Variants in FRMD5 observed in about 807,000 individuals in gnomAD.
The protein encoded by FRMD5 is FERM domain-containing protein 5.
In FRMD5, 20 loss-of-function variants were observed where a neutral mutation model predicts 69.0. The ratio of observed to expected loss-of-function variants is 0.29; its 90% CI spans 0.20 to 0.42. FRMD5 has a LOEUF of 0.42. Among genes scored for constraint, FRMD5 ranks in the 10% least tolerant of loss-of-function variants. The pLI, the probability that FRMD5 is intolerant of heterozygous loss-of-function variation, is 1.00. For missense variants in FRMD5, 595 were observed against 708.6 expected (o/e 0.84, Z 1.82); for synonymous variants, 271 against 260.1 (o/e 1.04, Z -0.40).
intron 13 of FRMD5, among the ~76,000 whole-genome samples, chr15:43,875,347 T>C (rs1234023047): frequency 1.3e-4 from 3 of 22,266 alleles, no homozygotes; most frequent in African/African-American, 2.4e-4. Context: ...AAAGACTGTC[T>C]CAAAAAAAAA....
At position 43,873,539 on chromosome 15, in the gene FRMD5, AAAAT is replaced by A. The variant is rs1567199683; in HGVS notation, c.*342_*345del. On this transcript the variant is annotated 3_prime_UTR_variant, in exon 14 of 14. Coordinates refer to ENST00000417257, the MANE Select transcript of FRMD5 (RefSeq NM_032892.5). ...TACTACTGCAATAATCAGTAATAGT[AAAAT>A]AAATTATTTTTATTTGATACTTCAA... The A allele has an allele frequency of 1.4e-6, 2 of 1,390,446 alleles. No individual in the cohort carries two copies. Among genetic ancestry groups the A allele is most frequent in the South Asian group, 1.4e-5 (1 of 71,046 alleles). The allele number at this position is 1,390,446 out of a possible 1,614,324, so 86.1% of individuals were successfully genotyped here. A position where few individuals can be genotyped will look rare whatever the true frequency, so the allele number is the denominator to read the frequency against.
At chr15:44,023,764 A>G (rs1324440818) in intron 1 of FRMD5, among the ~76,000 whole-genome samples, 1 of 152,214 alleles carries the variant, frequency 6.6e-6, no homozygotes, top group Non-Finnish European at 1.5e-5. Flanking sequence ...TTTTTACTAT[A>G]TTAAAATGGA....
chr15:44,023,452 G>A (rs993874245), intron 1 of FRMD5, among the ~76,000 whole-genome samples: 2 of 152,206 alleles, frequency 1.3e-5, no homozygotes, highest in Non-Finnish European at 2.9e-5. Context: ...GTGGCAATAG[G>A]CAGAACATTA....
At chr15:43,987,949 T>C (rs143183242) in intron 1 of FRMD5, among the ~76,000 whole-genome samples, 9 of 152,266 alleles carry the variant, frequency 5.9e-5, no homozygotes, top group African/African-American at 2.2e-4. Context: ...AATTATATAG[T>C]CCCATCTGGG....
In FRMD5 at chr15:43,919,374, A is replaced by T. The variant is rs2089452437; in HGVS notation, c.329+85T>A. 4 of 1,164,818 alleles carry T rather than the reference A, an allele frequency of 3.4e-6. No homozygotes were observed. The African/African-American group carries it at 6.1e-5, about 18-fold the overall frequency. The allele number at this position is 1,164,818 out of a possible 1,614,324, so 72.2% of individuals were successfully genotyped here. A position where few individuals can be genotyped will look rare whatever the true frequency, so the allele number is the denominator to read the frequency against. On this transcript the variant is annotated intron_variant, in intron 4 of 13. Coordinates refer to ENST00000417257, the MANE Select transcript of FRMD5 (RefSeq NM_032892.5). ...TGCCTCTAAGAGTTAGGCGCTTCCA[A>T]ATGAGAGGCTCTAAGAGGTCACCAT...
chr15:44,134,839 T>C (rs1006075683), intron 1 of FRMD5, among the ~76,000 whole-genome samples: 1 of 152,096 alleles, frequency 6.6e-6, no homozygotes, highest in Non-Finnish European at 1.5e-5. Flanking sequence ...GTGCAACCCA[T>C]GGGAGAAAGA....
chr15:44,125,547 GGAATTGAGGCTAAAGCCTCAGCTACAA>G (rs895736030), intron 1 of FRMD5, among the ~76,000 whole-genome samples: 1 of 152,120 alleles, frequency 6.6e-6, no homozygotes, highest in African/African-American at 2.4e-5. Flanking sequence ...CAGGGCCTAT[GGAATTGAGGCTAAAGCCTCAGCTACAA>G]TTTCTGAGAT....
intron 1 of FRMD5, among the ~76,000 whole-genome samples, chr15:44,100,213 C>A (rs1396877740): frequency 6.6e-6 from 1 of 150,918 alleles, no homozygotes; most frequent in African/African-American, 2.4e-5. Flanking sequence ...GCCACCACAC[C>A]CGGCTAAATT....
intron 1 of FRMD5, chr15:43,990,168 G>A: frequency 1.8e-6 from 1 of 557,354 alleles, no homozygotes; most frequent in Non-Finnish European, 3.4e-6. Flanking sequence ...GACAAGCATG[G>A]TGATATCATC....
chr15:44,045,910 G>T (rs1430573872), intron 1 of FRMD5, among the ~76,000 whole-genome samples: 1 of 152,152 alleles, frequency 6.6e-6, no homozygotes, highest in African/African-American at 2.4e-5. Context: ...AAGATCTGTT[G>T]TCATTTGTCA....
intron 1 of FRMD5, among the ~76,000 whole-genome samples, chr15:43,960,911 T>C (rs1010694715): frequency 2.6e-5 from 4 of 151,922 alleles, no homozygotes; most frequent in Admixed American, 6.6e-5. Context: ...CTAAACTACA[T>C]AGAACTGTGG....
chr15:44,067,680 C>G (rs562276038), intron 1 of FRMD5, among the ~76,000 whole-genome samples: 1 of 152,108 alleles, frequency 6.6e-6, no homozygotes, highest in Admixed American at 6.5e-5. Context: ...GACCTAATCA[C>G]GCCTAAAGGC....
intron 1 of FRMD5, among the ~76,000 whole-genome samples, chr15:43,932,889 C>T (rs2089699464): frequency 6.6e-6 from 1 of 152,202 alleles, no homozygotes; most frequent in Non-Finnish European, 1.5e-5. Flanking sequence ...GCATCCTATC[C>T]CAGGACCAGA....
At chr15:44,166,029 G>A (rs929247370) in intron 1 of FRMD5, among the ~76,000 whole-genome samples, 2 of 151,946 alleles carry the variant, frequency 1.3e-5, no homozygotes, top group Non-Finnish European at 2.9e-5. Flanking sequence ...GAGATTCCTA[G>A]GAGTTAACTT....
chr15:44,161,176 T>C (rs1263828771), intron 1 of FRMD5, among the ~76,000 whole-genome samples: 4 of 152,172 alleles, frequency 2.6e-5, no homozygotes, highest in African/African-American at 9.7e-5. Flanking sequence ...TGTGCTCATG[T>C]TGTTCCTTCC....
chr15:43,885,331 C>CCCAGCACA (rs1402123241), intron 11 of FRMD5, among the ~76,000 whole-genome samples: 1 of 152,102 alleles, frequency 6.6e-6, no homozygotes, highest in Non-Finnish European at 1.5e-5. Flanking sequence ...TGCCACCACA[C>CCCAGCACA]CCAGATAATT....
intron 1 of FRMD5, among the ~76,000 whole-genome samples, chr15:43,956,847 A>C (rs2090123547): frequency 6.6e-6 from 1 of 152,262 alleles, no homozygotes; most frequent in African/African-American, 2.4e-5. Context: ...CATTGGTTAG[A>C]CAACTTAATG....
intron 1 of FRMD5, among the ~76,000 whole-genome samples, chr15:44,074,683 C>A (rs1236070746): frequency 6.6e-6 from 1 of 151,940 alleles, no homozygotes; most frequent in African/African-American, 2.4e-5. Flanking sequence ...TTCACTAGGT[C>A]TTAGGGTTAC....
At chr15:43,971,540 C>T (rs989244310) in intron 1 of FRMD5, among the ~76,000 whole-genome samples, 1 of 147,790 alleles carries the variant, frequency 6.8e-6, no homozygotes, top group Admixed American at 6.8e-5. Context: ...AAAAGTTAGC[C>T]AGGCATGGTG....
Sources: allele counts gnomAD v4.1 joint callset (sites outside exome capture counted in the v4.1 genomes callset), GRCh38; gene constraint gnomAD v4.1.1; transcripts MANE v1.5; gene names NCBI Gene and HGNC (gene_info 2026-07-23, HGNC 2026-07-21).